The following MARCHF8 variants were observed in gnomAD, a reference collection of about 807,000 sequenced individuals.
The protein encoded by MARCHF8 is E3 ubiquitin-protein ligase MARCHF8.
Under a neutral mutation model 51.6 loss-of-function variants are expected in MARCHF8, and 40 were observed. The ratio of observed to expected loss-of-function variants is 0.77; its 90% CI spans 0.60 to 1.01. The LOEUF (loss-of-function observed/expected upper bound fraction) is 1.01, where lower values mean the gene tolerates loss of function less well. Ranked by LOEUF, MARCHF8 falls within the 50% of genes least tolerant of loss-of-function variation. MARCHF8 has a pLI of 0.00. For synonymous variants in MARCHF8, 263 were observed against 280.3 expected, an observed-to-expected ratio of 0.94 and a Z score of 0.62; for missense variants, 685 against 708.6, an observed-to-expected ratio of 0.97 and a Z score of 0.38.
rs1842586303 is a variant in MARCHF8 at position 45,455,853 on chromosome 10, AAAG to A, written c.*2383_*2385del. The A allele has an allele frequency of 6.6e-6, 1 of 152,404 alleles. No homozygotes were observed. Among genetic ancestry groups the A allele is most frequent in the African/African-American group, 2.4e-5 (1 of 41,472 alleles). 9.4% of individuals were successfully genotyped at this position (152,404 alleles called of 1,614,324 possible). On this transcript the variant is annotated 3_prime_UTR_variant, in exon 8 of 8. Coordinates refer to ENST00000453424, the MANE Select transcript of MARCHF8 (RefSeq NM_001282866.2). ...AAACGATGAGATGGTGTTAGGCAGA[AAAG>A]AAGGGAGAGGGCTTCCCATGAGAAT...
chr10:45,536,604 G>A (rs1211321729), upstream of MARCHF8, among the ~76,000 whole-genome samples: 1 of 150,794 alleles, frequency 6.6e-6, no homozygotes, highest in Non-Finnish European at 1.5e-5. Context: ...AAAAAAAAAA[G>A]TCTAAAGACA....
At chr10:45,538,318 C>T (rs752371427), upstream of MARCHF8, among the ~76,000 whole-genome samples, 3 of 152,158 alleles carry the variant, frequency 2.0e-5, no homozygotes, top group Admixed American at 6.5e-5. Context: ...CTGAAGGAAG[C>T]ACTAAACATG....
chr10:45,591,335 T>G (rs1006892248), intron 1 of MARCHF8, among the ~76,000 whole-genome samples: 1 of 152,080 alleles, frequency 6.6e-6, no homozygotes, highest in Non-Finnish European at 1.5e-5. Flanking sequence ...CATGGTGGCG[T>G]GTGCCCATAG....
intron 1 of MARCHF8, among the ~76,000 whole-genome samples, chr10:45,549,052 G>A (rs1256958002): frequency 6.6e-6 from 1 of 151,910 alleles, no homozygotes; most frequent in Non-Finnish European, 1.5e-5. Context: ...TCCTACAAGA[G>A]CTCTTCAGTG....
chr10:45,558,349 G>C (rs1055077909), intron 1 of MARCHF8, among the ~76,000 whole-genome samples: 33 of 152,192 alleles, frequency 2.2e-4, no homozygotes, highest in African/African-American at 7.0e-4. Context: ...CATGAGAAGA[G>C]AGTAGTGGCT....
At chr10:45,558,993 C>A (rs1192276772) in intron 1 of MARCHF8, among the ~76,000 whole-genome samples, 1 of 152,040 alleles carries the variant, frequency 6.6e-6, no homozygotes, top group Non-Finnish European at 1.5e-5. Context: ...AAGTAATATT[C>A]CAAGTAAATA....
At chr10:45,511,698 G>A (rs1209127035) in intron 2 of MARCHF8, among the ~76,000 whole-genome samples, 53 of 152,326 alleles carry the variant, frequency 3.5e-4, no homozygotes, top group African/African-American at 1.2e-3. Context: ...ACGGAGTCTG[G>A]TTCACTCAGT....
chr10:45,499,718 G>A (rs1483588352), intron 2 of MARCHF8, among the ~76,000 whole-genome samples: 2 of 152,016 alleles, frequency 1.3e-5, no homozygotes, highest in East Asian at 3.9e-4. Context: ...TAGTCTCGGC[G>A]CCATTGTGGG....
intron 3 of MARCHF8, among the ~76,000 whole-genome samples, chr10:45,473,190 C>G (rs954445059): frequency 1.3e-5 from 2 of 152,152 alleles, no homozygotes; most frequent in Admixed American, 6.5e-5. Flanking sequence ...CAACAATAAC[C>G]GGAAAATATT....
At chr10:45,573,782 G>A (rs1357002077) in intron 1 of MARCHF8, among the ~76,000 whole-genome samples, 2 of 152,034 alleles carry the variant, frequency 1.3e-5, no homozygotes, top group East Asian at 1.9e-4. Context: ...TCAATACAGA[G>A]GCTACCAACT....
At chr10:45,507,239 A>C (rs540732392) in intron 2 of MARCHF8, among the ~76,000 whole-genome samples, 144 of 151,110 alleles carry the variant, frequency 9.5e-4, no homozygotes, top group Admixed American at 2.2e-3. Flanking sequence ...TTGTTTATTA[A>C]GGAAAAAAAA....
chr10:45,500,347 G>A (rs1254367537), intron 2 of MARCHF8, among the ~76,000 whole-genome samples: 4 of 151,812 alleles, frequency 2.6e-5, no homozygotes, highest in South Asian at 4.2e-4. Context: ...GAAACTTTAG[G>A]GTTTTCTATA....
In MARCHF8 at chr10:45,464,014, G is replaced by A. The variant is rs1478458265; in HGVS notation, c.243-18C>T. On this transcript the variant is annotated intron_variant, in intron 4 of 7. Coordinates refer to ENST00000453424, the MANE Select transcript of MARCHF8 (RefSeq NM_001282866.2). ...CACTGGAACTGCATGCAGAACAGTG[G>A]GATAAAAGCACAGAAAGTAAAAACA... The A allele has an allele frequency of 6.6e-7, 1 of 1,517,316 alleles. No individual in the cohort carries two copies. The highest frequency in any genetic ancestry group is 8.8e-7 in the Non-Finnish European group (1 of 1,139,122). 94.0% of individuals were successfully genotyped at this position (1,517,316 alleles called of 1,614,324 possible). A position where few individuals can be genotyped will look rare whatever the true frequency, so the allele number is the denominator to read the frequency against.
At chr10:45,555,061 A>G (rs1464350051) in intron 1 of MARCHF8, among the ~76,000 whole-genome samples, 1 of 151,248 alleles carries the variant, frequency 6.6e-6, no homozygotes, top group African/African-American at 2.4e-5. Flanking sequence ...CTCCAAAAAT[A>G]AAAATAAGAA....
At position 45,466,486 on chromosome 10, in the gene MARCHF8, T is replaced by C. The variant is rs116500138; in HGVS notation, c.154-2159A>G. Among the ~76,000 whole-genome samples, 1,036 of 152,230 alleles carry C rather than the reference T, an allele frequency of 6.8e-3. 10 individuals carry two copies. The highest frequency in any genetic ancestry group is 0.024 in the African/African-American group (986 of 41,546). The stretch of plus-strand genomic sequence containing the variant: ...GCAATATCCACATGCTTGCCCCTCA[T>C]TGCTATGAGGTCACTTCTTCCTCTG... On this transcript the variant is annotated intron_variant, in intron 3 of 7. Transcript: ENST00000453424.
chr10:45,580,386 T>C (rs2044541604), intron 1 of MARCHF8, among the ~76,000 whole-genome samples: 1 of 152,138 alleles, frequency 6.6e-6, no homozygotes, highest in East Asian at 1.9e-4. Flanking sequence ...GTAGGGAATA[T>C]GAACACCTGT....
intron 1 of MARCHF8, among the ~76,000 whole-genome samples, chr10:45,561,696 C>A (rs2044312032): frequency 1.3e-5 from 2 of 150,514 alleles, no homozygotes; most frequent in African/African-American, 2.4e-5. Flanking sequence ...GTCAGGAGAT[C>A]GAGACCATCC....
intron 3 of MARCHF8, among the ~76,000 whole-genome samples, chr10:45,487,218 C>T (rs1354652543): frequency 6.6e-6 from 1 of 152,166 alleles, no homozygotes; most frequent in Non-Finnish European, 1.5e-5. Flanking sequence ...CCTTACAAAG[C>T]TCAAAATACC....
At chr10:45,547,804 T>C (rs1199707891) in intron 1 of MARCHF8, among the ~76,000 whole-genome samples, 1 of 152,178 alleles carries the variant, frequency 6.6e-6, no homozygotes, top group African/African-American at 2.4e-5. Flanking sequence ...CTTTTTTGTC[T>C]ATAGAGGGAC....
Sources: gnomAD v4.1 joint callset for allele counts (sites outside exome capture counted in the v4.1 genomes callset) on GRCh38, gnomAD v4.1.1 for gene constraint, MANE v1.5 for transcripts, NCBI Gene and HGNC (gene_info 2026-07-23, HGNC 2026-07-21) for gene names.